ATXN7L1: variants seen among roughly 807,000 people sequenced by gnomAD.
ATXN7L1 encodes the protein ataxin-7-like protein 1.
ATXN7L1 carries 15 observed loss-of-function variants against 70.8 expected under a neutral mutation model. The ratio of observed to expected loss-of-function variants is 0.21; its 90% CI spans 0.14 to 0.33. ATXN7L1 has a LOEUF of 0.33. Ranked by LOEUF, ATXN7L1 falls within the 10% of genes least tolerant of loss-of-function variation. The pLI, the probability that ATXN7L1 is intolerant of heterozygous loss-of-function variation, is 1.00. For missense variants in ATXN7L1, 975 were observed against 1,097.1 expected, an observed-to-expected ratio of 0.89 and a Z score of 1.57; for synonymous variants, 440 against 445.1, an observed-to-expected ratio of 0.99 and a Z score of 0.14.
intron 3 of ATXN7L1, among the ~76,000 whole-genome samples, chr7:105,714,343 C>T (rs1252087177): frequency 6.6e-6 from 1 of 152,230 alleles, no homozygotes; most frequent in Non-Finnish European, 1.5e-5. Flanking sequence ...ACCCTCCTGA[C>T]CAGCTGAATG....
chr7:105,858,378 A>G (rs1035546254), intron 2 of ATXN7L1, among the ~76,000 whole-genome samples: 10 of 152,242 alleles, frequency 6.6e-5, no homozygotes, highest in African/African-American at 1.9e-4. Flanking sequence ...GATGTCTTCT[A>G]TATTGAAGAA....
rs71155469 is a variant in ATXN7L1, at chr7:105,671,104, C to CA, written c.356-5817dup. Among the ~76,000 whole-genome samples, 754 of 89,640 alleles carry CA rather than the reference C, an allele frequency of 8.4e-3. 44 individuals carry two copies. The highest frequency in any genetic ancestry group is 0.021 in the East Asian group (25 of 1,184). 58.8% of individuals were successfully genotyped at this position (89,640 alleles called of 152,430 possible). ...CCTGGGCGACAGCGAGACTACGTCT[C>CA]AAAAAAAAAAAAAAAAAAAAAAAAA... is the stretch of plus-strand genomic sequence containing the variant. On this transcript the variant is annotated intron_variant, in intron 3 of 11. Transcript: ENST00000419735.
chr7:105,667,620 A>C (rs2116082052), intron 3 of ATXN7L1, among the ~76,000 whole-genome samples: 1 of 101,486 alleles, frequency 9.9e-6, no homozygotes, highest in Non-Finnish European at 2.2e-5. Flanking sequence ...AATGGCGTGA[A>C]CCCGGGAGGC....
At chr7:105,726,426 G>T (rs915840825) in intron 3 of ATXN7L1, among the ~76,000 whole-genome samples, 1 of 152,136 alleles carries the variant, frequency 6.6e-6, no homozygotes, top group East Asian at 1.9e-4. Context: ...ATGTCCCTTA[G>T]TGTGAACAAA....
At chr7:105,627,325 C>G (rs1172161229) in intron 7 of ATXN7L1, among the ~76,000 whole-genome samples, 1 of 151,950 alleles carries the variant, frequency 6.6e-6, no homozygotes, top group Non-Finnish European at 1.5e-5. Context: ...GCCACAAACT[C>G]CAGGGCTCAG....
At chr7:105,692,424 TCCTCCCTC>T (rs1554431695) in intron 3 of ATXN7L1, among the ~76,000 whole-genome samples, 12 of 88,086 alleles carry the variant, frequency 1.4e-4, no homozygotes, top group African/African-American at 4.4e-4. Flanking sequence ...CTTCCTTCCT[TCCTCCCTC>T]CCTCCCTCCC....
At chr7:105,873,438 AG>A (rs1158619214) in intron 2 of ATXN7L1, among the ~76,000 whole-genome samples, 4 of 152,214 alleles carry the variant, frequency 2.6e-5, no homozygotes, top group African/African-American at 9.6e-5. Context: ...CTCCAAAAAG[AG>A]GGCCCATGGC....
At chr7:105,788,288 T>C in intron 3 of ATXN7L1, 1 of 266,254 alleles carries the variant, frequency 3.8e-6, no homozygotes. Flanking sequence ...CAGGAGCGAC[T>C]CCTTAAGCAG....
intron 8 of ATXN7L1, among the ~76,000 whole-genome samples, chr7:105,622,281 C>T (rs1045103320): frequency 2.0e-5 from 3 of 152,236 alleles, no homozygotes; most frequent in African/African-American, 7.2e-5. Flanking sequence ...AGGTTGTCAT[C>T]TGGACAAATG....
rs1431140327 is a variant in ATXN7L1, at chr7:105,613,687, C to T, written c.2472+175G>A. ...GTCTAGCACATAGTGAGCGTGGTATCAAGTACTTGTTCAGTAAAGTGCTCT... is the reference window on the plus strand; with the variant it reads ...GTCTAGCACATAGTGAGCGTGGTATTAAGTACTTGTTCAGTAAAGTGCTCT... On this transcript the variant is annotated intron_variant, in intron 10 of 11. Transcript: ENST00000419735. 30 of 1,465,480 alleles carry T rather than the reference C, an allele frequency of 2.0e-5. No individual in the cohort carries two copies. In the East Asian group the frequency reaches 7.5e-4, roughly 36 times the overall value. 90.8% of individuals were successfully genotyped at this position (1,465,480 alleles called of 1,614,324 possible). A position where few individuals can be genotyped will look rare whatever the true frequency, so the allele number is the denominator to read the frequency against.
chr7:105,644,671 T>A (rs1363582459), intron 4 of ATXN7L1, among the ~76,000 whole-genome samples: 2 of 152,232 alleles, frequency 1.3e-5, no homozygotes, highest in Non-Finnish European at 2.9e-5. Context: ...AGACAGGTAT[T>A]ACCTGGTGAA....
At chr7:105,774,085 C>G (rs758400953) in intron 3 of ATXN7L1, among the ~76,000 whole-genome samples, 2 of 152,140 alleles carry the variant, frequency 1.3e-5, no homozygotes, top group African/African-American at 4.8e-5. Context: ...CCTCAAAGAG[C>G]AGCTAAGGCA....
At chr7:105,673,898 G>A (rs767391505) in intron 3 of ATXN7L1, among the ~76,000 whole-genome samples, 8 of 152,230 alleles carry the variant, frequency 5.3e-5, no homozygotes, top group Non-Finnish European at 1.2e-4. Flanking sequence ...CATGGTGTAA[G>A]GGGGGATATT....
intron 3 of ATXN7L1, among the ~76,000 whole-genome samples, chr7:105,768,098 C>T (rs1801519356): frequency 6.6e-6 from 1 of 152,228 alleles, no homozygotes; most frequent in African/African-American, 2.4e-5. Flanking sequence ...CCTCAAACCT[C>T]TTGTCTCTGG....
At chr7:105,672,677 T>C (rs1409963021) in intron 3 of ATXN7L1, among the ~76,000 whole-genome samples, 1 of 152,226 alleles carries the variant, frequency 6.6e-6, no homozygotes, top group African/African-American at 2.4e-5. Context: ...CTCTACCACC[T>C]TGGAATCCTG....
chr7:105,804,757 AG>A (rs1295394316), intron 2 of ATXN7L1, among the ~76,000 whole-genome samples: 1 of 152,222 alleles, frequency 6.6e-6, no homozygotes, highest in Non-Finnish European at 1.5e-5. Flanking sequence ...GCAGACCTGC[AG>A]GGGTGACATT....
intron 2 of ATXN7L1, among the ~76,000 whole-genome samples, chr7:105,797,044 T>C (rs1372541269): frequency 6.6e-6 from 1 of 152,000 alleles, no homozygotes; most frequent in Non-Finnish European, 1.5e-5. Context: ...AAAGGGAAAA[T>C]GAAGGAAGAG....
intron 3 of ATXN7L1, chr7:105,760,313 G>C (rs1007024794): frequency 1.1e-6 from 1 of 928,860 alleles, no homozygotes; most frequent in South Asian, 5.0e-5. Flanking sequence ...TTAAATTCCT[G>C]CTACAACCAT....
chr7:105,868,889 T>C (rs4727632), intron 2 of ATXN7L1, among the ~76,000 whole-genome samples: 31,067 of 152,166 alleles, frequency 0.2, 3,776 homozygotes, highest in East Asian at 0.39. Flanking sequence ...TATACAGTGT[T>C]TCCGTGTGTC....
Sources: gnomAD v4.1 joint callset for allele counts (sites outside exome capture counted in the v4.1 genomes callset) on GRCh38, gnomAD v4.1.1 for gene constraint, MANE v1.5 for transcripts, NCBI Gene and HGNC (gene_info 2026-07-23, HGNC 2026-07-21) for gene names.